Variants in SYT1 observed in about 807,000 individuals in gnomAD.
SYT1 encodes synaptotagmin 1.
Under a neutral mutation model 44.8 loss-of-function variants are expected in SYT1, and 8 were observed. The ratio of observed to expected loss-of-function variants is 0.18; its 90% CI spans 0.10 to 0.32. The LOEUF is 0.32. Ranked by LOEUF, SYT1 falls within the 10% of genes least tolerant of loss-of-function variation. SYT1 has a pLI of 1.00. For missense variants in SYT1, 286 were observed against 509.3 expected (o/e 0.56, Z 4.22); for synonymous variants, 154 against 188.8 (o/e 0.82, Z 1.51).
intron 1 of SYT1, among the ~76,000 whole-genome samples, chr12:78,881,409 G>C (rs1005383117): frequency 3.3e-5 from 5 of 151,640 alleles, no homozygotes; most frequent in Non-Finnish European, 7.4e-5. Context: ...ATTGTTCATA[G>C]AGCCACCCCC....
chr12:79,398,607 A>G (rs1409240763), intron 9 of SYT1, among the ~76,000 whole-genome samples: 1 of 152,204 alleles, frequency 6.6e-6, no homozygotes, highest in Non-Finnish European at 1.5e-5. Flanking sequence ...AGGTCCTTAT[A>G]CTTTAGACTT....
intron 8 of SYT1, among the ~76,000 whole-genome samples, chr12:79,323,763 A>G (rs989069761): frequency 6.6e-5 from 10 of 151,770 alleles, no homozygotes; most frequent in African/African-American, 2.4e-4. Flanking sequence ...GCATACTTAT[A>G]TGGAAAAATG....
intron 8 of SYT1, among the ~76,000 whole-genome samples, chr12:79,305,172 G>A (rs1880332305): frequency 6.6e-6 from 1 of 152,116 alleles, no homozygotes. Context: ...TCAGGCAGAG[G>A]TAAAAGAAAT....
chr12:79,366,894 CTGTGTGTGTGTGTGTGTG>C (rs3995413), intron 9 of SYT1, among the ~76,000 whole-genome samples: 145 of 117,470 alleles, frequency 1.2e-3, no homozygotes, highest in Middle Eastern at 8.5e-3. Context: ...ATAAATAATA[CTGTGTGTGTGTGTGTGTG>C]TGTGTGTGTG....
chr12:79,186,625 T>A (rs1426327881), intron 3 of SYT1, among the ~76,000 whole-genome samples: 1 of 151,988 alleles, frequency 6.6e-6, no homozygotes, highest in African/African-American at 2.4e-5. Context: ...TCCCCAAAGA[T>A]TAAATGTCCA....
chr12:79,412,857 T>C (rs1868515241), intron 9 of SYT1, among the ~76,000 whole-genome samples: 1 of 152,162 alleles, frequency 6.6e-6, no homozygotes, highest in African/African-American at 2.4e-5. Flanking sequence ...ATAAACATCA[T>C]ATAATTTTTT....
rs1187341876 is a variant in SYT1 at position 79,002,946 on chromosome 12, TTACAAACTA to T, written c.-84+25029_-84+25037del. Among the ~76,000 whole-genome samples the T allele has an allele frequency of 3.9e-5, 6 of 152,022 alleles. 1 individual carries two copies. In the South Asian group the frequency reaches 8.3e-4, roughly 21 times the overall value. ...CAGCACCTTTCTTCCCTAAGGAGTG[TTACAAACTA>T]TACAAACTATACAGAGTGCAGAAAT... On this transcript the variant is annotated intron_variant, in intron 2 of 10. Transcript: ENST00000261205.
chr12:79,366,652 G>C (rs1421682198), intron 9 of SYT1, among the ~76,000 whole-genome samples: 1 of 152,196 alleles, frequency 6.6e-6, no homozygotes, highest in African/African-American at 2.4e-5. Context: ...GGAAAGCCTG[G>C]ATCGGAAGCC....
Position 79,368,012 on chromosome 12 carries a change from T to C in SYT1, c.928+14393T>C, listed in dbSNP as rs1883622803. Among the ~76,000 whole-genome samples the C allele has an allele frequency of 5.3e-5, 8 of 151,616 alleles. No individual in the cohort carries two copies. In the South Asian group the frequency reaches 1.7e-3, roughly 32 times the overall value. On this transcript the variant is annotated intron_variant, in intron 9 of 10. Transcript: ENST00000261205. Reference sequence around the variant, plus strand: ...CTGGTGTGCTGCACCCATTAACCCGTCATTTAGCATTAGGTATATCTCCTA... The same window carrying C: ...CTGGTGTGCTGCACCCATTAACCCGCCATTTAGCATTAGGTATATCTCCTA...
chr12:79,424,623 G>A (rs1163347285), intron 9 of SYT1, among the ~76,000 whole-genome samples: 1 of 152,086 alleles, frequency 6.6e-6, no homozygotes, highest in African/African-American at 2.4e-5. Flanking sequence ...GGCTTTTTAA[G>A]GACTGCTGGA....
chr12:78,980,920 G>A (rs1349580441), intron 2 of SYT1, among the ~76,000 whole-genome samples: 1 of 152,004 alleles, frequency 6.6e-6, no homozygotes, highest in Non-Finnish European at 1.5e-5. Flanking sequence ...GAGCCAGGGG[G>A]GAGAGGGAGA....
chr12:78,958,140 G>T (rs900385750), intron 1 of SYT1, among the ~76,000 whole-genome samples: 1 of 151,978 alleles, frequency 6.6e-6, no homozygotes, highest in African/African-American at 2.4e-5. Context: ...TTCTCCAAGT[G>T]TCCTTTAATA....
At chr12:78,999,242 A>C (rs1029428644) in intron 2 of SYT1, among the ~76,000 whole-genome samples, 1 of 152,138 alleles carries the variant, frequency 6.6e-6, no homozygotes, top group Non-Finnish European at 1.5e-5. Flanking sequence ...AGTGTTTTTG[A>C]AACTTCATTT....
intron 2 of SYT1, among the ~76,000 whole-genome samples, chr12:78,982,759 A>C (rs1479197652): frequency 6.6e-6 from 1 of 152,210 alleles, no homozygotes; most frequent in Non-Finnish European, 1.5e-5. Flanking sequence ...TATCATAGTT[A>C]TACTCACATA....
At chr12:79,149,993 C>T (rs1484618569) in intron 3 of SYT1, among the ~76,000 whole-genome samples, 1 of 151,866 alleles carries the variant, frequency 6.6e-6, no homozygotes, top group Non-Finnish European at 1.5e-5. Flanking sequence ...GTTATGTAAC[C>T]CAGATTAGAC....
rs375402867 is a variant in SYT1 at position 79,397,869 on chromosome 12, T to G, written c.928+44250T>G. Among the ~76,000 whole-genome samples, 6 of 152,338 alleles carry G rather than the reference T, an allele frequency of 3.9e-5. No homozygotes were observed. The South Asian group carries it at 6.2e-4, about 16-fold the overall frequency. ...CTTTTCATCCAGGAAGTTTCCATCA[T>G]GCTCTCCACTATCCACTGTAAATTC... On this transcript the variant is annotated intron_variant, in intron 9 of 10. Transcript: ENST00000261205.
chr12:79,309,478 T>A (rs73351078), intron 8 of SYT1, among the ~76,000 whole-genome samples: 1,615 of 152,104 alleles, frequency 0.011, 31 homozygotes, highest in African/African-American at 0.037. Context: ...TAATAATCTG[T>A]GGGTGGAAAA....
intron 8 of SYT1, among the ~76,000 whole-genome samples, chr12:79,328,703 G>A (rs376458948): frequency 1.9e-4 from 29 of 152,062 alleles, no homozygotes; most frequent in African/African-American, 5.5e-4. Flanking sequence ...AAAATTAGCC[G>A]GGCGTGGTGG....
rs141469223 is a variant in SYT1, at chr12:79,126,032, A to C, written c.-18+78670A>C. ...TGGATTTTCTTTGCTTCACTACTGT[A>C]TGTCATGGCAGAAAACTTCAGCAAT... On this transcript the variant is annotated intron_variant, in intron 3 of 10. Coordinates refer to ENST00000261205, the MANE Select transcript of SYT1 (RefSeq NM_005639.3). Among the ~76,000 whole-genome samples the C allele has an allele frequency of 5.1e-4, 77 of 152,304 alleles. No individual in the cohort carries two copies. In the East Asian group the frequency reaches 0.013, roughly 27 times the overall value.
Sources: allele counts gnomAD v4.1 joint callset (sites outside exome capture counted in the v4.1 genomes callset), GRCh38; gene constraint gnomAD v4.1.1; transcripts MANE v1.5; gene names NCBI Gene and HGNC (gene_info 2026-07-23, HGNC 2026-07-21).